The following DACH1 variants were observed in gnomAD, a reference collection of about 807,000 sequenced individuals.
DACH1 encodes the protein dachshund family transcription factor 1, also known as dachshund homolog 1.
In DACH1, 12 loss-of-function variants were observed where a neutral mutation model predicts 54.2. The ratio of observed to expected loss-of-function variants is 0.22; its 90% CI spans 0.14 to 0.36. The LOEUF (loss-of-function observed/expected upper bound fraction) is 0.36, where lower values mean the gene tolerates loss of function less well. Ranked by LOEUF, DACH1 falls within the 10% of genes least tolerant of loss-of-function variation. The pLI is 1.00. For missense variants in DACH1, 805 were observed against 929.8 expected, an observed-to-expected ratio of 0.87 and a Z score of 1.75; for synonymous variants, 386 against 366.2, an observed-to-expected ratio of 1.05 and a Z score of -0.62.
At chr13:71,829,307 A>G (rs1048631578) in intron 1 of DACH1, among the ~76,000 whole-genome samples, 3 of 151,894 alleles carry the variant, frequency 2.0e-5, no homozygotes, top group African/African-American at 4.8e-5. Context: ...GCAAATAAAT[A>G]AAATCCTGAT....
chr13:71,483,921 T>C (rs1878270322), intron 7 of DACH1, among the ~76,000 whole-genome samples: 1 of 152,170 alleles, frequency 6.6e-6, no homozygotes, highest in South Asian at 2.1e-4. Flanking sequence ...GGCAATATCC[T>C]CTAGGTTTGT....
intron 1 of DACH1, among the ~76,000 whole-genome samples, chr13:71,775,777 T>C (rs1886039359): frequency 6.6e-6 from 1 of 152,134 alleles, no homozygotes; most frequent in Non-Finnish European, 1.5e-5. Flanking sequence ...TAAACATAAC[T>C]GAAAAATCTA....
At chr13:71,672,302 A>G (rs1348553047) in intron 2 of DACH1, among the ~76,000 whole-genome samples, 1 of 152,176 alleles carries the variant, frequency 6.6e-6, no homozygotes, top group African/African-American at 2.4e-5. Flanking sequence ...TTAATGAATA[A>G]GTAGGATAAT....
chr13:71,505,240 G>A (rs1453757212), intron 6 of DACH1, among the ~76,000 whole-genome samples: 2 of 151,936 alleles, frequency 1.3e-5, no homozygotes, highest in African/African-American at 4.8e-5. Context: ...GTGCCACCAC[G>A]CCCGGCTACT....
intron 7 of DACH1, among the ~76,000 whole-genome samples, chr13:71,486,575 G>T (rs1366727144): frequency 1.3e-5 from 2 of 152,102 alleles, no homozygotes; most frequent in African/African-American, 4.8e-5. Flanking sequence ...ATAAATATGT[G>T]TGTGTTTGTA....
intron 10 of DACH1, among the ~76,000 whole-genome samples, chr13:71,451,223 C>T (rs1220282244): frequency 1.3e-5 from 2 of 152,056 alleles, no homozygotes; most frequent in African/African-American, 2.4e-5. Flanking sequence ...TTGCTAAAAC[C>T]TAAATGTTGT....
chr13:71,451,474 TGAG>T lies in DACH1; in HGVS notation c.2084-10785_2084-10783del, dbSNP rs142410696. On this transcript the variant is annotated intron_variant, in intron 10 of 10. Coordinates refer to ENST00000613252, the MANE Select transcript of DACH1 (RefSeq NM_080759.6). The stretch of plus-strand genomic sequence containing the variant: ...AACTATCAAAATTAATGCCACAAAA[TGAG>T]GAGAAGATGGATGTTATGTGGCTCT... Among the ~76,000 whole-genome samples the T allele has an allele frequency of 6.1e-3, 935 of 152,124 alleles. 58 individuals are homozygous for T. The East Asian group carries it at 0.15, about 24-fold the overall frequency.
chr13:71,734,890 T>C (rs916306149), intron 1 of DACH1, among the ~76,000 whole-genome samples: 123 of 142,966 alleles, frequency 8.6e-4, no homozygotes, highest in Middle Eastern at 4.5e-3. Flanking sequence ...TATACGTATA[T>C]CCCATATACA....
intron 3 of DACH1, among the ~76,000 whole-genome samples, chr13:71,602,815 T>C (rs953755624): frequency 6.6e-6 from 1 of 152,004 alleles, no homozygotes; most frequent in Non-Finnish European, 1.5e-5. Flanking sequence ...ATTAATATAA[T>C]AAATGTGTGA....
chr13:71,523,294 T>A (rs1488653328), intron 6 of DACH1, among the ~76,000 whole-genome samples: 1 of 152,178 alleles, frequency 6.6e-6, no homozygotes, highest in Non-Finnish European at 1.5e-5. Context: ...AAATTGCTTT[T>A]TCTCCAGCTA....
intron 4 of DACH1, among the ~76,000 whole-genome samples, chr13:71,561,512 C>T (rs1188909655): frequency 2.6e-5 from 4 of 152,114 alleles, no homozygotes; most frequent in Non-Finnish European, 5.9e-5. Context: ...GCAAGGATTG[C>T]CAGCTGCTAC....
At chr13:71,865,866 G>C (rs1473510252) in intron 1 of DACH1, 56 bp downstream of exon 1, 2 of 1,482,558 alleles carry the variant, frequency 1.3e-6, no homozygotes, top group Non-Finnish European at 1.8e-6. Context: ...GCGAGGGCAG[G>C]CGAGCAGGCT....
chr13:71,628,660 A>G (rs1016697526), intron 3 of DACH1, among the ~76,000 whole-genome samples: 9 of 152,128 alleles, frequency 5.9e-5, no homozygotes, highest in African/African-American at 2.2e-4. Flanking sequence ...AATACAAAAG[A>G]AAATTCAAAT....
intron 1 of DACH1, among the ~76,000 whole-genome samples, chr13:71,792,867 T>C (rs914566119): frequency 6.6e-6 from 1 of 152,168 alleles, no homozygotes; most frequent in Non-Finnish European, 1.5e-5. Flanking sequence ...TAATTTTACC[T>C]GACTCTTCAT....
At chr13:71,511,377 G>A (rs1880763617) in intron 6 of DACH1, among the ~76,000 whole-genome samples, 1 of 151,276 alleles carries the variant, frequency 6.6e-6, no homozygotes, top group Admixed American at 6.8e-5. Flanking sequence ...TGTGCTGAGA[G>A]CCAAAAAAAA....
intron 2 of DACH1, among the ~76,000 whole-genome samples, chr13:71,650,309 A>G (rs1459924198): frequency 6.6e-6 from 1 of 152,184 alleles, no homozygotes; most frequent in East Asian, 1.9e-4. Flanking sequence ...GACAATTTCT[A>G]ATAGTCAAGT....
intron 1 of DACH1, among the ~76,000 whole-genome samples, chr13:71,748,962 T>TTCTTTC (rs1213014278): frequency 1.5e-5 from 1 of 66,996 alleles, no homozygotes; most frequent in East Asian, 3.1e-4. Context: ...CTCTCTTTCT[T>TTCTTTC]TCTCTCTCTC....
At chr13:71,840,292 A>C (rs1188201897) in intron 1 of DACH1, among the ~76,000 whole-genome samples, 2 of 152,220 alleles carry the variant, frequency 1.3e-5, no homozygotes, top group Non-Finnish European at 2.9e-5. Context: ...TCTCTGGTTT[A>C]AAACGCCTTC....
In DACH1 at chr13:71,815,325, G is replaced by A. The variant is rs568813135; in HGVS notation, c.848+50597C>T. Among the ~76,000 whole-genome samples the A allele has an allele frequency of 7.9e-5, 12 of 151,224 alleles. No individual in the cohort carries two copies. In the South Asian group the frequency reaches 1.9e-3, roughly 24 times the overall value. ...GTATTCATGTTGTTCTTAAAAAAGG[G>A]GGTGGGCGGGGGGAGTAGCTGAGCG... On this transcript the variant is annotated intron_variant, in intron 1 of 10. Transcript: ENST00000613252.
Sources: gnomAD v4.1 joint callset for allele counts (sites outside exome capture counted in the v4.1 genomes callset) on GRCh38, gnomAD v4.1.1 for gene constraint, MANE v1.5 for transcripts, NCBI Gene and HGNC (gene_info 2026-07-23, HGNC 2026-07-21) for gene names.